SIAE: variants seen among roughly 807,000 people sequenced by gnomAD.
SIAE encodes sialate O-acetylesterase.
SIAE carries 39 observed loss-of-function variants against 52.6 expected under a neutral mutation model. The ratio of observed to expected loss-of-function variants is 0.74; its 90% CI spans 0.57 to 0.97. The LOEUF (loss-of-function observed/expected upper bound fraction) is 0.97, where lower values mean the gene tolerates loss of function less well. Ranked by LOEUF, SIAE falls within the 50% of genes least tolerant of loss-of-function variation. SIAE has a pLI of 0.00. For synonymous variants in SIAE, 233 were observed against 241.4 expected, an observed-to-expected ratio of 0.97 and a Z score of 0.32; for missense variants, 592 against 662.1, an observed-to-expected ratio of 0.89 and a Z score of 1.16.
intron 9 of SIAE, among the ~76,000 whole-genome samples, chr11:124,637,530 G>C (rs910590476): frequency 1.3e-5 from 2 of 152,210 alleles, no homozygotes; most frequent in African/African-American, 4.8e-5. Flanking sequence ...CAAACAGCAA[G>C]GCAGACAGGA....
intron 2 of SIAE, among the ~76,000 whole-genome samples, chr11:124,661,926 A>G (rs901474993): frequency 1.3e-5 from 2 of 152,234 alleles, no homozygotes. Flanking sequence ...TAGACACTGC[A>G]AAGTTCTTTC....
intron 7 of SIAE, among the ~76,000 whole-genome samples, chr11:124,641,805 A>C (rs990095281): frequency 2.0e-5 from 3 of 151,932 alleles, no homozygotes; most frequent in Admixed American, 6.6e-5. Context: ...CTAACAATAC[A>C]AAAAATTAGC....
At position 124,651,838 on chromosome 11, in the gene SIAE, C is replaced by A. The variant is rs890649974; in HGVS notation, c.545-2042G>T. On this transcript the variant is annotated intron_variant, in intron 4 of 9. Transcript: ENST00000263593. ...ACCTGATTCACGTCTGTATCCCCAG[C>A]GTCCAGGACATGATGGAGAGTCAGT... Among the ~76,000 whole-genome samples the A allele has an allele frequency of 2.6e-5, 4 of 152,154 alleles. No individual in the cohort carries two copies. In the South Asian group the frequency reaches 8.3e-4, roughly 32 times the overall value.
intron 2 of SIAE, among the ~76,000 whole-genome samples, chr11:124,663,519 A>G (rs1009786494): frequency 2.6e-5 from 4 of 152,224 alleles, no homozygotes; most frequent in Non-Finnish European, 4.4e-5. Context: ...GCTTGCAGTG[A>G]GCCGAGACTG....
At chr11:124,653,520 G>A (rs1235491630) in intron 4 of SIAE, among the ~76,000 whole-genome samples, 1 of 152,118 alleles carries the variant, frequency 6.6e-6, no homozygotes, top group African/African-American at 2.4e-5. Flanking sequence ...GTTTCTAAAG[G>A]GGGTGGTCCG....
In SIAE at chr11:124,652,193, C is replaced by T. The variant is rs373654554; in HGVS notation, c.545-2397G>A. Among the ~76,000 whole-genome samples, 250 of 152,228 alleles carry T rather than the reference C, an allele frequency of 1.6e-3. 7 individuals carry two copies. In the South Asian group the frequency reaches 0.051, roughly 31 times the overall value. On this transcript the variant is annotated intron_variant, in intron 4 of 9. Transcript: ENST00000263593. ...AGAATGTGGGGTGTAGGCAAAATAACAGACCCCAAAGACGTCGACACACTC... is the reference window on the plus strand; with the variant it reads ...AGAATGTGGGGTGTAGGCAAAATAATAGACCCCAAAGACGTCGACACACTC...
At chr11:124,639,933 C>T (rs908540742) in intron 7 of SIAE, 66 bp from the exon 8 acceptor site, 1 of 1,562,512 alleles carries the variant, frequency 6.4e-7, no homozygotes, top group Non-Finnish European at 8.8e-7. Flanking sequence ...TTTTCACTGG[C>T]AGACTCTGCT....
rs1943173230 is a variant in SIAE, at chr11:124,660,682, A to G, written c.351T>C (p.Phe117=). Residue 117 remains phenylalanine, a synonymous_variant, in exon 3 of 10, where the codon TTT becomes TTC. Coordinates refer to ENST00000263593, the MANE Select transcript of SIAE (RefSeq NM_170601.5). ...NFTLRVHDVL[F]GDVWLCSGQS... ...GCCCACTACAGAGCCAGACATCTCC[A>G]AACAGGACGTCATGAACTCTCAGGG... The G allele has an allele frequency of 6.2e-7, 1 of 1,614,176 alleles. No individual in the cohort carries two copies. Among genetic ancestry groups the G allele is most frequent in the Admixed American group, 1.7e-5 (1 of 60,018 alleles).
rs1942747392 is a variant in SIAE, at chr11:124,636,643, C to T, written c.*308G>A. On this transcript the variant is annotated 3_prime_UTR_variant, in exon 10 of 10. Coordinates refer to ENST00000263593, the MANE Select transcript of SIAE (RefSeq NM_170601.5). ...TCCCACAACTCTGGATAAAAAGGGGCAAAAGTATTAGACATTTCACTCCCA... is the reference window on the plus strand; with the variant it reads ...TCCCACAACTCTGGATAAAAAGGGGTAAAAGTATTAGACATTTCACTCCCA... 2 of 373,502 alleles carry T rather than the reference C, an allele frequency of 5.4e-6. No individual in the cohort carries two copies. Among genetic ancestry groups the T allele is most frequent in the Non-Finnish European group, 1.0e-5 (2 of 198,784 alleles). 23.1% of individuals were successfully genotyped at this position (373,502 alleles called of 1,614,324 possible).
chr11:124,649,443 G>A (rs554782593), intron 5 of SIAE, among the ~76,000 whole-genome samples, 176 bp downstream of exon 5: 13 of 151,984 alleles, frequency 8.6e-5, no homozygotes, highest in Non-Finnish European at 1.9e-4. Context: ...GTTCTCAAAC[G>A]ATTGTGGTGG....
chr11:124,675,830 T>G (rs1943456208), upstream of SIAE: 1 of 157,344 alleles, frequency 6.4e-6, no homozygotes, highest in Admixed American at 6.3e-5. Context: ...CTTTCAATTT[T>G]GATTCCTTCC....
chr11:124,669,585 G>A, intron 1 of SIAE, 64 bp from the exon 2 acceptor site: 2 of 1,419,898 alleles, frequency 1.4e-6, no homozygotes, highest in Non-Finnish European at 9.9e-7. Context: ...ACTGGATCAA[G>A]TGAAACAGCA....
At chr11:124,637,289 G>T in intron 9 of SIAE, 87 bp from the exon 10 acceptor site, 4 of 1,572,166 alleles carry the variant, frequency 2.5e-6, no homozygotes, top group Non-Finnish European at 3.5e-6. Context: ...AGAATGGATG[G>T]GAGGAAAGGA....
At chr11:124,675,103 G>A (rs1054517204), upstream of SIAE, 11 of 776,484 alleles carry the variant, frequency 1.4e-5, no homozygotes, top group Non-Finnish European at 2.0e-5. Context: ...AGAAATGGAT[G>A]GGCTTGGGTT....
In SIAE at chr11:124,649,785, G is replaced by T. The variant is rs764037284; in HGVS notation, c.556C>A (p.His186Asn). The change falls in exon 5 of 10, where the codon CAT becomes AAT. Residue 186 changes from histidine (H) to asparagine (N), a missense_variant. Physicochemically the swap from His to Asn is moderately conservative, Grantham distance 68 (BLOSUM62 1). Transcript: ENST00000263593. ...WSKPTSENLG[H>N]GYFKYMSAVC... ...GCTGACATGTACTTGAAATATCCAT[G>T]GCCTAAGTTTTCTGTTCAGAGAAAT... 6.2e-7 allele frequency: 1 copy of T among 1,614,116 alleles called. No homozygotes were observed. Among genetic ancestry groups the T allele is most frequent in the Non-Finnish European group, 8.5e-7 (1 of 1,179,998 alleles).
At chr11:124,672,568 A>G in intron 1 of SIAE, among the ~76,000 whole-genome samples, 1 of 152,240 alleles carries the variant, frequency 6.6e-6, no homozygotes. Context: ...TGTAACAATA[A>G]GACCCAAAGG....
In SIAE at chr11:124,649,720, CAG is replaced by C. The variant is rs1420480359; in HGVS notation, c.619_620del (p.Leu207AlafsTer17). ...WLFGRHLYDT[L>X]QYPIGLIASS... ...AGGCGATCAGCCCGATGGGATACTG[CAG>C]AGTGTCATAAAGGTGACGTCCAAAG... is the stretch of plus-strand genomic sequence containing the variant. On this transcript the variant is annotated frameshift_variant, in exon 5 of 10. Transcript: ENST00000263593. LOFTEE classifies it high-confidence loss of function. The C allele has an allele frequency of 1.2e-6, 2 of 1,614,158 alleles. No homozygotes were observed. The highest frequency in any genetic ancestry group is 1.7e-5 in the Admixed American group (1 of 60,014).
intron 9 of SIAE, 123 bp from the exon 10 acceptor site, chr11:124,637,325 C>A (rs1451381337): frequency 1.2e-5 from 16 of 1,383,278 alleles, no homozygotes; most frequent in Non-Finnish European, 1.6e-5. Flanking sequence ...GGACCTACTC[C>A]TACAGTAAGC....
At chr11:124,664,529 C>T (rs932940850) in intron 2 of SIAE, among the ~76,000 whole-genome samples, 13 of 152,272 alleles carry the variant, frequency 8.5e-5, no homozygotes, top group South Asian at 2.1e-4. Context: ...CTACCGCATC[C>T]GGCCTCTAGT....
Sources: allele counts gnomAD v4.1 joint callset (sites outside exome capture counted in the v4.1 genomes callset), GRCh38; gene constraint gnomAD v4.1.1; transcripts MANE v1.5; gene names NCBI Gene and HGNC (gene_info 2026-07-23, HGNC 2026-07-21).